SUCLG2: variants seen among roughly 807,000 people sequenced by gnomAD.
SUCLG2 encodes the protein succinate-CoA ligase GDP-forming subunit beta.
In SUCLG2, 42 loss-of-function variants were observed where a neutral mutation model predicts 47.9. The ratio of observed to expected loss-of-function variants is 0.88; its 90% CI spans 0.69 to 1.14. The LOEUF (loss-of-function observed/expected upper bound fraction) is 1.14. SUCLG2 is among the 50% of genes most tolerant of loss of function. SUCLG2 has a pLI of 0.00. For synonymous variants in SUCLG2, 195 were observed against 197.3 expected, an observed-to-expected ratio of 0.99 and a Z score of 0.10; for missense variants, 571 against 525.9, an observed-to-expected ratio of 1.09 and a Z score of -0.84.
chr3:67,482,471 T>C (rs1704943446), intron 9 of SUCLG2, among the ~76,000 whole-genome samples: 1 of 64,028 alleles, frequency 1.6e-5, no homozygotes, highest in South Asian at 5.2e-4. Context: ...TCTATACTTT[T>C]GTATTTTTTT....
intron 2 of SUCLG2, among the ~76,000 whole-genome samples, chr3:67,605,918 A>G (rs1431943276): frequency 6.6e-6 from 1 of 152,088 alleles, no homozygotes; most frequent in Non-Finnish European, 1.5e-5. Flanking sequence ...AAATTCTATT[A>G]AAAGCATGAT....
chr3:67,388,620 A>G (rs974824091), intron 10 of SUCLG2, among the ~76,000 whole-genome samples: 12 of 152,192 alleles, frequency 7.9e-5, no homozygotes, highest in Admixed American at 7.2e-4. Context: ...TGAAGAAGGT[A>G]TTATCCATAA....
chr3:67,472,321 T>C (rs182495528), intron 9 of SUCLG2, among the ~76,000 whole-genome samples: 87 of 152,340 alleles, frequency 5.7e-4, no homozygotes, highest in African/African-American at 1.9e-3. Context: ...TTTCCTTTCA[T>C]GCTGGATGTG....
rs73836521 is a variant in SUCLG2, at chr3:67,441,688, T to C, written c.1063-40837A>G. ...CAAAGTAATACAGATAACTAACATA[T>C]ACAGTAATCTACCCAAGATGACATT... On this transcript the variant is annotated intron_variant, in intron 9 of 10. Coordinates refer to ENST00000307227, the MANE Select transcript of SUCLG2 (RefSeq NM_003848.4). Among the ~76,000 whole-genome samples the C allele has an allele frequency of 9.6e-3, 1,456 of 152,278 alleles. 23 individuals carry two copies. Among genetic ancestry groups the C allele is most frequent in the African/African-American group, 0.033 (1,353 of 41,556 alleles).
chr3:67,642,050 T>C (rs1287754519), intron 1 of SUCLG2, among the ~76,000 whole-genome samples: 1 of 152,250 alleles, frequency 6.6e-6, no homozygotes, highest in Non-Finnish European at 1.5e-5. Flanking sequence ...TTTAACTTGA[T>C]TTCCTCTATC....
At chr3:67,398,149 C>G (rs1702592006) in intron 10 of SUCLG2, among the ~76,000 whole-genome samples, 2 of 150,182 alleles carry the variant, frequency 1.3e-5, no homozygotes, top group Non-Finnish European at 1.5e-5. Flanking sequence ...GCAATGGCAA[C>G]AAAAGCCAAA....
rs371311656 is a variant in SUCLG2, at chr3:67,375,603, C to A, written c.*141G>T. ...TCTAGATATCTTATTCCAGAAAACACAGATTTAAGATTTTTCAGTGATTCT... is the reference window on the plus strand; with the variant it reads ...TCTAGATATCTTATTCCAGAAAACAAAGATTTAAGATTTTTCAGTGATTCT... On this transcript the variant is annotated 3_prime_UTR_variant, in exon 11 of 11. Transcript: ENST00000307227. 3.9e-5 allele frequency: 56 copies of A among 1,425,650 alleles called. No homozygotes were observed. Among genetic ancestry groups the A allele is most frequent in the African/African-American group, 2.9e-4 (20 of 69,314 alleles). 88.3% of individuals were successfully genotyped at this position (1,425,650 alleles called of 1,614,324 possible).
At chr3:67,460,932 AG>A (rs2106957429) in intron 9 of SUCLG2, among the ~76,000 whole-genome samples, 1 of 152,264 alleles carries the variant, frequency 6.6e-6, no homozygotes, top group Admixed American at 6.5e-5. Context: ...GATATAAAGA[AG>A]GGGAGGGGAA....
At chr3:67,559,871 T>C (rs917436464) in intron 2 of SUCLG2, among the ~76,000 whole-genome samples, 4 of 151,568 alleles carry the variant, frequency 2.6e-5, no homozygotes, top group Non-Finnish European at 5.9e-5. Flanking sequence ...ATGTAAATTA[T>C]GAACTTGGCC....
chr3:67,443,943 C>A (rs1487102447), intron 9 of SUCLG2, among the ~76,000 whole-genome samples: 1 of 106,604 alleles, frequency 9.4e-6, no homozygotes, highest in Non-Finnish European at 2.1e-5. Context: ...GGCAGCCACC[C>A]CGTCCGGGAG....
downstream of SUCLG2, among the ~76,000 whole-genome samples, chr3:67,370,055 T>C (rs961611425): frequency 1.3e-5 from 2 of 152,208 alleles, no homozygotes; most frequent in African/African-American, 4.8e-5. Context: ...CATAGTTTAA[T>C]GAATTTCAAT....
chr3:67,478,000 AC>A (rs1704812297), intron 9 of SUCLG2, among the ~76,000 whole-genome samples: 1 of 152,232 alleles, frequency 6.6e-6, no homozygotes, highest in Admixed American at 6.5e-5. Context: ...TACGATAGGT[AC>A]TATTATCATG....
At chr3:67,463,696 C>T (rs2106963904) in intron 9 of SUCLG2, among the ~76,000 whole-genome samples, 1 of 152,270 alleles carries the variant, frequency 6.6e-6, no homozygotes, top group East Asian at 1.9e-4. Context: ...AATTTAGATA[C>T]TGTTAGCCTG....
intron 2 of SUCLG2, among the ~76,000 whole-genome samples, chr3:67,555,244 C>A (rs1707127113): frequency 6.6e-6 from 1 of 151,896 alleles, no homozygotes; most frequent in Admixed American, 6.6e-5. Context: ...CAATATAAAC[C>A]CAATATTTTT....
intron 10 of SUCLG2, among the ~76,000 whole-genome samples, chr3:67,368,864 C>G (rs1701910864): frequency 6.6e-6 from 1 of 152,110 alleles, no homozygotes; most frequent in South Asian, 2.1e-4. Flanking sequence ...CCTCAACCTC[C>G]CAAAGTGCTG....
intron 1 of SUCLG2, among the ~76,000 whole-genome samples, chr3:67,613,057 C>A (rs1225858385): frequency 6.6e-6 from 1 of 152,152 alleles, no homozygotes; most frequent in Non-Finnish European, 1.5e-5. Context: ...CAGATACCGC[C>A]ACATATTTGG....
intron 2 of SUCLG2, among the ~76,000 whole-genome samples, chr3:67,555,447 CCTCAACAGTAATGA>C (rs1356344777): frequency 8.5e-5 from 13 of 152,128 alleles, no homozygotes; most frequent in Non-Finnish European, 1.2e-4. Context: ...AGCAGTAATG[CCTCAACAGTAATGA>C]TCACAAACAA....
At chr3:67,652,127 A>C (rs1211283340) in intron 1 of SUCLG2, among the ~76,000 whole-genome samples, 3 of 151,794 alleles carry the variant, frequency 2.0e-5, no homozygotes, top group Non-Finnish European at 4.4e-5. Context: ...ACTATCAATC[A>C]AAAGTCAAAA....
At chr3:67,408,927 T>C in intron 9 of SUCLG2, 1 of 1,528,972 alleles carries the variant, frequency 6.5e-7, no homozygotes, top group Non-Finnish European at 8.7e-7. Context: ...ACTCCCAAGA[T>C]GAGTCAGGAG....
Sources: gnomAD v4.1 joint callset for allele counts (sites outside exome capture counted in the v4.1 genomes callset) on GRCh38, gnomAD v4.1.1 for gene constraint, MANE v1.5 for transcripts, NCBI Gene and HGNC (gene_info 2026-07-23, HGNC 2026-07-21) for gene names.